Variants in PSG2 observed in about 807,000 individuals in gnomAD.
PSG2 encodes the protein pregnancy-specific beta-1-glycoprotein 2.
Under a neutral mutation model 36.2 loss-of-function variants are expected in PSG2, and 49 were observed. The ratio of observed to expected loss-of-function variants is 1.35; its 90% CI spans 1.08 to 1.72. The LOEUF is 1.72. Among genes scored for constraint, PSG2 ranks in the 40% most tolerant of loss-of-function variants. PSG2 has a pLI of 0.00. For synonymous variants in PSG2, 261 were observed against 155.6 expected (o/e 1.68, Z -5.04); for missense variants, 605 against 407.2 (o/e 1.49, Z -4.18).
intron 3 of PSG2, among the ~76,000 whole-genome samples, chr19:43,074,023 T>C (rs1202576894): frequency 6.6e-6 from 1 of 151,632 alleles, no homozygotes; most frequent in Non-Finnish European, 1.5e-5. Context: ...GCTTGGTGAT[T>C]AGTTTTCGGT....
chr19:43,081,095 G>A lies in PSG2; in HGVS notation c.216C>T (p.Ile72=). The change falls in exon 2 of 6, where the codon ATC becomes ATT. Residue 72 remains isoleucine (I), a synonymous_variant. Coordinates refer to ENST00000406487, the MANE Select transcript of PSG2 (RefSeq NM_031246.4). The stretch of plus-strand genomic sequence containing the variant: ...ATGTAATGTAATGGTAGAGGTCCCT[G>A]ATTTGCCCTTTGTACCAGATGTAGC... ...LTGYIWYKGQ[I]RDLYHYITSY... The A allele has an allele frequency of 6.2e-7, 1 of 1,612,810 alleles. No individual in the cohort carries two copies. Among genetic ancestry groups the A allele is most frequent in the Non-Finnish European group, 8.5e-7 (1 of 1,179,652 alleles).
Position 43,081,440 on chromosome 19 carries a change from A to T in PSG2, c.65-194T>A, listed in dbSNP as rs61644329. On this transcript the variant is annotated intron_variant, in intron 1 of 5. Transcript: ENST00000406487. The stretch of plus-strand genomic sequence containing the variant: ...TTTGTATGTGTGTATGTGTGTGTGT[A>T]CTACTGTCCTACTAGGTCAAGGTCA... Among the ~76,000 whole-genome samples, 13 of 149,998 alleles carry T rather than the reference A, an allele frequency of 8.7e-5. 2 individuals are homozygous for T. Among genetic ancestry groups the T allele is most frequent in the Admixed American group, 3.3e-4 (5 of 15,120 alleles).
In PSG2 at chr19:43,082,531, G is replaced by C. The variant is rs1418043195; in HGVS notation, c.39C>G (p.Ile13Met). 1 of 1,612,054 alleles carries C rather than the reference G, an allele frequency of 6.2e-7. No individual in the cohort carries two copies. The highest frequency in any genetic ancestry group is 2.2e-5 in the East Asian group (1 of 44,830). The change falls in exon 1 of 6, where the codon ATC becomes ATG. Residue 13 changes from isoleucine (I) to methionine (M), a missense_variant. Ile to Met is a conservative substitution (Grantham distance 10, BLOSUM62 1). Transcript: ENST00000406487. ...PLSAPPCTEH[I>M]KWKGLLVTAS... is the part of the protein sequence containing the mutation. ...CTGTGACCAGGAGCCCCTTCCATTT[G>C]ATGTGCTCTGTGCAGGGAGGGGCTG...
At chr19:43,080,849 C>T (rs750572900) in intron 2 of PSG2, 32 bp downstream of exon 2, 1 of 1,611,798 alleles carries the variant, frequency 6.2e-7, no homozygotes, top group Non-Finnish European at 8.5e-7. Context: ...CCCCTGTCCC[C>T]CAACACCCAG....
At chr19:43,075,038 T>TG (rs1420402842) in intron 3 of PSG2, among the ~76,000 whole-genome samples, 1 of 151,686 alleles carries the variant, frequency 6.6e-6, no homozygotes, top group Non-Finnish European at 1.5e-5. Context: ...AGTGACCCTG[T>TG]GAGCCAAGCC....
intron 2 of PSG2, among the ~76,000 whole-genome samples, chr19:43,079,878 G>C (rs1349058425): frequency 6.6e-6 from 1 of 151,634 alleles, no homozygotes; most frequent in African/African-American, 2.4e-5. Flanking sequence ...GCCTGTGGCT[G>C]CAGGCAGACC....
chr19:43,076,053 C>G (rs1230625365), intron 2 of PSG2, among the ~76,000 whole-genome samples: 1 of 151,682 alleles, frequency 6.6e-6, no homozygotes, highest in African/African-American at 2.4e-5. Flanking sequence ...CTTCCCTTGC[C>G]AAGGACATCC....
chr19:43,080,804 G>T, intron 2 of PSG2, 77 bp downstream of exon 2: 1 of 1,611,356 alleles, frequency 6.2e-7, no homozygotes, highest in Admixed American at 1.7e-5. Context: ...GCACAGTCTA[G>T]GCCTGACAAT....
rs548270236 is a variant in PSG2, at chr19:43,072,491, C to G, written c.710-537G>C. ...TTCAATGGGTCGCTTTACCCTGGGA[C>G]TGACCGGGAGGCTCTGACCATTTAG... On this transcript the variant is annotated intron_variant, in intron 3 of 5. Transcript: ENST00000406487. The G allele has an allele frequency of 1.9e-5, 31 of 1,611,308 alleles. No homozygotes were observed. The Admixed American group carries it at 4.5e-4, about 23-fold the overall frequency.
intron 3 of PSG2, 96 bp from the exon 4 acceptor site, chr19:43,072,050 C>G: frequency 1.3e-6 from 2 of 1,504,260 alleles, no homozygotes; most frequent in Non-Finnish European, 1.8e-6. Context: ...TGAGACAAGA[C>G]ACATCCTCAA....
In PSG2 at chr19:43,081,177, A is replaced by G; in HGVS notation, c.134T>C (p.Val45Ala). The G allele has an allele frequency of 6.2e-7, 1 of 1,612,742 alleles. No individual in the cohort carries two copies. ...QVTIEAQPPK[V>A]SEGKDVLLLV... ...TAGAAGAACATCCTTCCCCTCGGAA[A>G]CTTTTGGTGGCTGGGCTTCAATCGT... The change falls in exon 2 of 6, where the codon GTT becomes GCT. Residue 45 changes from valine (V) to alanine (A), a missense_variant. Transcript: ENST00000406487.
At chr19:43,071,579 T>C (rs1280581528) in intron 4 of PSG2, 121 bp downstream of exon 4, 2 of 1,607,424 alleles carry the variant, frequency 1.2e-6, no homozygotes, top group East Asian at 4.5e-5. Context: ...GAGGAGAATT[T>C]GGGATTTGCT....
chr19:43,068,473 AGAAAG>A, intron 4 of PSG2, among the ~76,000 whole-genome samples: 2 of 136,312 alleles, frequency 1.5e-5, no homozygotes, highest in African/African-American at 7.1e-5. Flanking sequence ...AAAAAAAGAA[AGAAAG>A]AAAGAAAGAA....
chr19:43,081,646 G>C (rs1967977509), intron 1 of PSG2: 1 of 209,456 alleles, frequency 4.8e-6, no homozygotes, highest in African/African-American at 2.3e-5. Context: ...TCCCTGCTCT[G>C]CTCCCTAAAG....
chr19:43,068,731 G>A (rs1967776500), intron 4 of PSG2, among the ~76,000 whole-genome samples: 1 of 151,502 alleles, frequency 6.6e-6, no homozygotes, highest in Non-Finnish European at 1.5e-5. Flanking sequence ...CAACATAAAG[G>A]CAATATGTGA....
At chr19:43,066,465 A>C in intron 5 of PSG2, 52 bp downstream of exon 5, 1 of 1,327,934 alleles carries the variant, frequency 7.5e-7, no homozygotes. Context: ...CCCTCTCCCA[A>C]GCATGGCAGT....
chr19:43,075,306 T>G, intron 3 of PSG2, 48 bp downstream of exon 3: 1 of 1,613,056 alleles, frequency 6.2e-7, no homozygotes, highest in South Asian at 1.1e-5. Context: ...TCTGGCCATG[T>G]GTATTTGGGA....
chr19:43,066,600 G>A lies in PSG2; in HGVS notation c.965C>T (p.Ala322Val). 6.3e-7 allele frequency: 1 copy of A among 1,597,594 alleles called. No individual in the cohort carries two copies. Among genetic ancestry groups the A allele is most frequent in the Non-Finnish European group, 8.6e-7 (1 of 1,165,724 alleles). Residue 322 changes from alanine to valine, a missense_variant and splice_region_variant, in exon 5 of 6, where the codon GCT (alanine) becomes GTT (valine). Transcript: ENST00000406487. ...SSTSLTVKVSASTRIGLLPLL... is the reference protein window; with the variant it reads ...SSTSLTVKVSVSTRIGLLPLL... ...AGGAAGAAGTCCTATTCTTGTAGAA[G>A]CTGTCATGGAAAGAAAAGTAAAGAA... is the stretch of plus-strand genomic sequence containing the variant.
intron 4 of PSG2, among the ~76,000 whole-genome samples, chr19:43,067,223 C>G (rs1222989787): frequency 6.6e-6 from 1 of 151,396 alleles, no homozygotes; most frequent in Non-Finnish European, 1.5e-5. Context: ...ATCAGCTCTG[C>G]ATAGTGGTCT....
Sources: allele counts gnomAD v4.1 joint callset (sites outside exome capture counted in the v4.1 genomes callset), GRCh38; gene constraint gnomAD v4.1.1; transcripts MANE v1.5; gene names NCBI Gene and HGNC (gene_info 2026-07-23, HGNC 2026-07-21).